KCNH7: variants seen among roughly 807,000 people sequenced by gnomAD.
KCNH7 encodes voltage-gated inwardly rectifying potassium channel KCNH7.
Under a neutral mutation model 120.8 loss-of-function variants are expected in KCNH7, and 49 were observed. The observed-to-expected ratio is 0.41, with a 90% CI of 0.32 to 0.51. KCNH7 has a LOEUF of 0.51. Ranked by LOEUF, KCNH7 falls within the 20% of genes least tolerant of loss-of-function variation. The pLI is 0.38. For synonymous variants in KCNH7, 547 were observed against 516.1 expected, an observed-to-expected ratio of 1.06 and a Z score of -0.81; for missense variants, 1,097 against 1,446.6, an observed-to-expected ratio of 0.76 and a Z score of 3.92.
intron 2 of KCNH7, among the ~76,000 whole-genome samples, chr2:162,670,250 A>G (rs998042783): frequency 6.6e-6 from 1 of 151,900 alleles, no homozygotes; most frequent in African/African-American, 2.4e-5. Flanking sequence ...AGGCAGGCAG[A>G]TCACCTGAGG....
intron 6 of KCNH7, among the ~76,000 whole-genome samples, chr2:162,450,285 T>G (rs924810086): frequency 2.0e-5 from 3 of 152,068 alleles, no homozygotes; most frequent in Non-Finnish European, 1.5e-5. Flanking sequence ...AGTTCATGTG[T>G]TGTATTCCAA....
intron 2 of KCNH7, among the ~76,000 whole-genome samples, chr2:162,622,049 T>C (rs1182035467): frequency 1.3e-5 from 2 of 152,344 alleles, no homozygotes; most frequent in East Asian, 3.9e-4. Context: ...TTCTGCAAAA[T>C]GAGAACATTC....
intron 14 of KCNH7, among the ~76,000 whole-genome samples, chr2:162,379,510 T>C (rs1364965286): frequency 2.0e-5 from 3 of 151,672 alleles, no homozygotes; most frequent in Non-Finnish European, 2.9e-5. Context: ...TCCGAAAAAG[T>C]GTAAAAGGAG....
chr2:162,380,528 C>T (rs1377406018), intron 13 of KCNH7, among the ~76,000 whole-genome samples: 2 of 151,970 alleles, frequency 1.3e-5, no homozygotes, highest in Non-Finnish European at 2.9e-5. Flanking sequence ...CAACCCAATT[C>T]AAATAGAGCC....
At chr2:162,576,269 A>T (rs1693666629) in intron 2 of KCNH7, among the ~76,000 whole-genome samples, 1 of 152,084 alleles carries the variant, frequency 6.6e-6, no homozygotes, top group South Asian at 2.1e-4. Context: ...GAAAGTCGTG[A>T]TTCAAAAGAC....
At position 162,429,383 on chromosome 2, in the gene KCNH7, CT is replaced by C. The variant is rs60854157; in HGVS notation, c.1954+5814del. ...AGACATTTAGAAATGAGGAAAAAGT[CT>C]TTTTTTTTTTTTTTTTTTTTTACTC... is the stretch of plus-strand genomic sequence containing the variant. On this transcript the variant is annotated intron_variant, in intron 8 of 15. Transcript: ENST00000332142. Among the ~76,000 whole-genome samples the C allele has an allele frequency of 5.8e-4, 50 of 86,236 alleles. 1 individual carries two copies. The highest frequency in any genetic ancestry group is 2.5e-3 in the African/African-American group (40 of 15,974). The allele number at this position is 86,236 out of a possible 152,430, so 56.6% of individuals were successfully genotyped here. A position where few individuals can be genotyped will look rare whatever the true frequency, so the allele number is the denominator to read the frequency against.
intron 9 of KCNH7, among the ~76,000 whole-genome samples, chr2:162,408,811 GA>G (rs1687303570): frequency 1.3e-5 from 2 of 151,250 alleles, no homozygotes; most frequent in Admixed American, 1.3e-4. Context: ...AAGAAATAAG[GA>G]AAAACAATTA....
At chr2:162,526,640 T>A (rs1268180558) in intron 3 of KCNH7, among the ~76,000 whole-genome samples, 3 of 152,002 alleles carry the variant, frequency 2.0e-5, no homozygotes, top group African/African-American at 7.2e-5. Flanking sequence ...TCACCGGCGG[T>A]CAGAGTTTAA....
At chr2:162,775,778 G>T (rs1411223662) in intron 2 of KCNH7, among the ~76,000 whole-genome samples, 1 of 152,086 alleles carries the variant, frequency 6.6e-6, no homozygotes, top group East Asian at 1.9e-4. Flanking sequence ...TATCCATAGT[G>T]GCATAAGTGA....
intron 2 of KCNH7, among the ~76,000 whole-genome samples, chr2:162,584,607 C>A (rs1559029635): frequency 1.3e-5 from 2 of 151,998 alleles, no homozygotes; most frequent in Non-Finnish European, 2.9e-5. Flanking sequence ...ATTTGAGAAG[C>A]TATGCCAGGG....
intron 2 of KCNH7, among the ~76,000 whole-genome samples, chr2:162,722,686 T>C (rs1251491384): frequency 6.6e-6 from 1 of 152,118 alleles, no homozygotes; most frequent in Non-Finnish European, 1.5e-5. Context: ...TTGAATAAGT[T>C]TTTGGCCCTT....
At chr2:162,465,520 T>C (rs1315983059) in intron 6 of KCNH7, among the ~76,000 whole-genome samples, 1 of 152,222 alleles carries the variant, frequency 6.6e-6, no homozygotes, top group Non-Finnish European at 1.5e-5. Context: ...GGTTTCTGCA[T>C]ACAAAAATTT....
At chr2:162,405,716 A>G (rs1420325056) in intron 9 of KCNH7, among the ~76,000 whole-genome samples, 2 of 151,990 alleles carry the variant, frequency 1.3e-5, no homozygotes, top group Admixed American at 6.6e-5. Context: ...GCTTATCAAA[A>G]TGACATGTCT....
At chr2:162,697,721 T>C (rs2105337842) in intron 2 of KCNH7, among the ~76,000 whole-genome samples, 1 of 152,200 alleles carries the variant, frequency 6.6e-6, no homozygotes, top group African/African-American at 2.4e-5. Flanking sequence ...ATTTTCTGTG[T>C]CAGTGCTTTA....
intron 1 of KCNH7, among the ~76,000 whole-genome samples, chr2:162,837,083 G>A (rs1173126818): frequency 6.6e-6 from 1 of 152,132 alleles, no homozygotes; most frequent in East Asian, 1.9e-4. Context: ...ACAAGCAGCT[G>A]CCCATTGATA....
chr2:162,376,742 T>C (rs556893530), intron 14 of KCNH7, among the ~76,000 whole-genome samples: 1 of 152,270 alleles, frequency 6.6e-6, no homozygotes, highest in African/African-American at 2.4e-5. Context: ...CTAGACCTAT[T>C]AACTTGGAGT....
intron 2 of KCNH7, among the ~76,000 whole-genome samples, chr2:162,804,252 G>A (rs1041733965): frequency 8.6e-5 from 13 of 151,714 alleles, no homozygotes; most frequent in African/African-American, 3.1e-4. Context: ...TCAGGCAAGA[G>A]AAATTAAGGG....
At chr2:162,736,886 T>A (rs1026829945) in intron 2 of KCNH7, among the ~76,000 whole-genome samples, 2 of 152,166 alleles carry the variant, frequency 1.3e-5, no homozygotes, top group Non-Finnish European at 2.9e-5. Flanking sequence ...AAATAACTTT[T>A]TTTTTCCTGA....
At chr2:162,505,696 A>T (rs765313423) in intron 5 of KCNH7, among the ~76,000 whole-genome samples, 47 of 151,958 alleles carry the variant, frequency 3.1e-4, no homozygotes, top group Non-Finnish European at 3.8e-4. Flanking sequence ...AGAATTTTAT[A>T]AAAATCGTGA....
Sources: gnomAD v4.1 joint callset for allele counts (sites outside exome capture counted in the v4.1 genomes callset) on GRCh38, gnomAD v4.1.1 for gene constraint, MANE v1.5 for transcripts, NCBI Gene and HGNC (gene_info 2026-07-23, HGNC 2026-07-21) for gene names.